GALNT18: variants seen among roughly 807,000 people sequenced by gnomAD.
The protein encoded by GALNT18 is polypeptide N-acetylgalactosaminyltransferase 18.
In GALNT18, 44 loss-of-function variants were observed where a neutral mutation model predicts 69.5. That is an observed-to-expected ratio of 0.63 (90% CI 0.50 to 0.81). The LOEUF (loss-of-function observed/expected upper bound fraction) is 0.81, where lower values mean the gene tolerates loss of function less well. Ranked by LOEUF, GALNT18 falls within the 40% of genes least tolerant of loss-of-function variation. The pLI is 0.00. For synonymous variants in GALNT18, 364 were observed against 318.2 expected, an observed-to-expected ratio of 1.14 and a Z score of -1.53; for missense variants, 715 against 810.0, an observed-to-expected ratio of 0.88 and a Z score of 1.42.
intron 1 of GALNT18, among the ~76,000 whole-genome samples, chr11:11,491,680 A>G (rs904488926): frequency 7.2e-5 from 11 of 152,176 alleles, no homozygotes; most frequent in African/African-American, 2.7e-4. Flanking sequence ...TTAATCATTC[A>G]ACACAATTTC....
At chr11:11,479,396 C>T (rs1856474438) in intron 1 of GALNT18, among the ~76,000 whole-genome samples, 1 of 152,106 alleles carries the variant, frequency 6.6e-6, no homozygotes, top group African/African-American at 2.4e-5. Context: ...TCCTTATCGA[C>T]TATAATAAGA....
chr11:11,280,482 C>A (rs1007084631), intron 10 of GALNT18, among the ~76,000 whole-genome samples: 2 of 152,074 alleles, frequency 1.3e-5, no homozygotes, highest in African/African-American at 4.8e-5. Flanking sequence ...ATGCTCCTTC[C>A]ACTGCGCTAA....
chr11:11,420,149 A>C (rs1230010893), intron 3 of GALNT18, among the ~76,000 whole-genome samples: 1 of 151,862 alleles, frequency 6.6e-6, no homozygotes, highest in Non-Finnish European at 1.5e-5. Context: ...CAGAACAAAC[A>C]AACCTCCCTC....
Position 11,461,446 on chromosome 11 carries a change from A to G in GALNT18, c.236-12510T>C, listed in dbSNP as rs1178449178. Among the ~76,000 whole-genome samples the G allele has an allele frequency of 6.6e-6, 1 of 152,222 alleles. No homozygotes were observed. Among genetic ancestry groups the G allele is most frequent in the Non-Finnish European group, 1.5e-5 (1 of 68,030 alleles). On this transcript the variant is annotated intron_variant, in intron 1 of 10. Transcript: ENST00000227756. This position sits in a 1 kb window ranked among gnomAD's most constrained non-coding sequence, Gnocchi z 4.1. The stretch of plus-strand genomic sequence containing the variant: ...ATTTTAGAGAGTGACAAATGTCTGT[A>G]TCTTAGGAATCAGAATTTATATGTG...
intron 9 of GALNT18, among the ~76,000 whole-genome samples, chr11:11,310,526 T>C (rs1001129442): frequency 9.9e-5 from 15 of 152,190 alleles, no homozygotes; most frequent in African/African-American, 2.7e-4. Flanking sequence ...TCCTTTTTCC[T>C]GCAGAAAAAA....
chr11:11,475,280 T>G (rs908889518), intron 1 of GALNT18: 2 of 152,256 alleles, frequency 1.3e-5, no homozygotes, highest in African/African-American at 4.8e-5. Context: ...GCATCTCAAA[T>G]AGCTGATAAT....
In GALNT18 at chr11:11,271,304, C is replaced by T. The variant is rs1848821712; in HGVS notation, c.1678-14G>A. ...GATGGGTCCTCCCTAGGGGCCAGGG[C>T]AGACAGTGGGGTCAGAGGGCATAGA... is the stretch of plus-strand genomic sequence containing the variant. On this transcript the variant is annotated splice_polypyrimidine_tract_variant and intron_variant, in intron 10 of 10. Transcript: ENST00000227756. 2 of 1,611,652 alleles carry T rather than the reference C, an allele frequency of 1.2e-6. No individual in the cohort carries two copies. The highest frequency in any genetic ancestry group is 1.7e-6 in the Non-Finnish European group (2 of 1,178,058).
intron 3 of GALNT18, among the ~76,000 whole-genome samples, chr11:11,390,732 T>A (rs970085782): frequency 6.6e-6 from 1 of 152,226 alleles, no homozygotes; most frequent in African/African-American, 2.4e-5. Flanking sequence ...AGGGGTCCCA[T>A]GAAGGACCAG....
rs916922328 is a variant in GALNT18 at position 11,506,998 on chromosome 11, C to A, written c.236-58062G>T. ...AGGGTCGCTCCCAATAGAAAGAGCA[C>A]CTGCAAGAAAGTTACTCTCTGGCAG... On this transcript the variant is annotated intron_variant, in intron 1 of 10. Transcript: ENST00000227756. Among the ~76,000 whole-genome samples the A allele has an allele frequency of 2.0e-5, 3 of 152,176 alleles. No individual in the cohort carries two copies. In the East Asian group the frequency reaches 5.8e-4, roughly 29 times the overall value.
At chr11:11,550,603 A>G (rs1858164935) in intron 1 of GALNT18, among the ~76,000 whole-genome samples, 1 of 152,234 alleles carries the variant, frequency 6.6e-6, no homozygotes, top group Non-Finnish European at 1.5e-5. Flanking sequence ...TTACAAGTGC[A>G]TAGGATACTC....
Position 11,439,782 on chromosome 11 carries a change from C to T in GALNT18, c.429-6995G>A, listed in dbSNP as rs1429054324. On this transcript the variant is annotated intron_variant, in intron 2 of 10. Coordinates refer to ENST00000227756, the MANE Select transcript of GALNT18 (RefSeq NM_198516.3). The surrounding 1 kb of genome is among the most constrained non-coding windows in gnomAD (Gnocchi z 4.4). ...AGGGCTCTGTGGATGGGAATTCTAC[C>T]ATGACCTGATGGGAATGGAATCACT... Among the ~76,000 whole-genome samples, 9 of 152,130 alleles carry T rather than the reference C, an allele frequency of 5.9e-5. No individual in the cohort carries two copies. The highest frequency in any genetic ancestry group is 1.9e-4 in the African/African-American group (8 of 41,412).
chr11:11,592,150 T>C lies in GALNT18; in HGVS notation c.235+29209A>G, dbSNP rs1306837326. Reference sequence around the variant, plus strand: ...AAACCAGAAAAACTTTTCAGCAAGTTAAGGAGATTCCTATTTCTCTAAGCA... The same window carrying C: ...AAACCAGAAAAACTTTTCAGCAAGTCAAGGAGATTCCTATTTCTCTAAGCA... On this transcript the variant is annotated intron_variant, in intron 1 of 10. Coordinates refer to ENST00000227756, the MANE Select transcript of GALNT18 (RefSeq NM_198516.3). This position sits in a 1 kb window ranked among gnomAD's most constrained non-coding sequence, Gnocchi z 5.9. Among the ~76,000 whole-genome samples, 1 of 152,198 alleles carries C rather than the reference T, an allele frequency of 6.6e-6. No individual in the cohort carries two copies. The highest frequency in any genetic ancestry group is 1.5e-5 in the Non-Finnish European group (1 of 68,030).
intron 10 of GALNT18, among the ~76,000 whole-genome samples, chr11:11,272,606 G>T (rs1207933027): frequency 6.6e-6 from 1 of 152,162 alleles, no homozygotes; most frequent in African/African-American, 2.4e-5. Context: ...TTAACTCAGG[G>T]TTCCTGCACT....
rs2133842137 is a variant in GALNT18, at chr11:11,463,219, C to T, written c.236-14283G>A. Among the ~76,000 whole-genome samples the T allele has an allele frequency of 6.7e-6, 1 of 149,638 alleles. No homozygotes were observed. The highest frequency in any genetic ancestry group is 6.6e-5 in the Admixed American group (1 of 15,094). On this transcript the variant is annotated intron_variant, in intron 1 of 10. Transcript: ENST00000227756. This position sits in a 1 kb window ranked among gnomAD's most constrained non-coding sequence, Gnocchi z 4.2. Reference sequence around the variant, plus strand: ...TCAGACAGACAGACAGACACACACACACACACAGAGAGAGAGAGAGAGAGT... The same window carrying T: ...TCAGACAGACAGACAGACACACACATACACACAGAGAGAGAGAGAGAGAGT...
At chr11:11,390,588 T>C (rs1397477976) in intron 3 of GALNT18, among the ~76,000 whole-genome samples, 1 of 152,208 alleles carries the variant, frequency 6.6e-6, no homozygotes, top group African/African-American at 2.4e-5. Context: ...GGCCTCAGCC[T>C]GGCTGATTCA....
intron 6 of GALNT18, chr11:11,353,204 C>T: frequency 6.5e-7 from 1 of 1,544,648 alleles, no homozygotes; most frequent in African/African-American, 1.4e-5. Flanking sequence ...GGGGTAAGAC[C>T]TTGTTTCAGA....
intron 1 of GALNT18, among the ~76,000 whole-genome samples, chr11:11,473,893 A>C (rs4910352): frequency 0.65 from 99,494 of 151,994 alleles, 34,116 homozygotes; most frequent in East Asian, 0.78. Context: ...GGTGATACTC[A>C]GTCTCTACCA....
At chr11:11,390,081 G>T (rs1358996831) in intron 3 of GALNT18, among the ~76,000 whole-genome samples, 1 of 152,116 alleles carries the variant, frequency 6.6e-6, no homozygotes, top group African/African-American at 2.4e-5. Flanking sequence ...CCAGGATTCT[G>T]AGATCCCATG....
intron 10 of GALNT18, among the ~76,000 whole-genome samples, chr11:11,285,766 T>G (rs1849180804): frequency 6.6e-6 from 1 of 152,166 alleles, no homozygotes; most frequent in Non-Finnish European, 1.5e-5. Flanking sequence ...AGTCAAGGAC[T>G]CCTCCTCCTC....
Sources: gnomAD v4.1 joint callset for allele counts (sites outside exome capture counted in the v4.1 genomes callset) on GRCh38, gnomAD v4.1.1 for gene constraint, Gnocchi (gnomAD v3.1) non-coding constraint, MANE v1.5 for transcripts, NCBI Gene and HGNC (gene_info 2026-07-23, HGNC 2026-07-21) for gene names.